Variants in ARHGAP6 observed in about 807,000 individuals in gnomAD.
The protein encoded by ARHGAP6 is rho GTPase-activating protein 6.
ARHGAP6 carries 16 observed loss-of-function variants against 55.7 expected under a neutral mutation model. The ratio of observed to expected loss-of-function variants is 0.29; its 90% CI spans 0.19 to 0.44. ARHGAP6 has a LOEUF of 0.44. Ranked by LOEUF, ARHGAP6 falls within the 20% of genes least tolerant of loss-of-function variation. The pLI, the probability that ARHGAP6 is intolerant of heterozygous loss-of-function variation, is 1.00. For missense variants in ARHGAP6, 698 were observed against 808.9 expected, an observed-to-expected ratio of 0.86 and a Z score of 1.66; for synonymous variants, 382 against 360.9, an observed-to-expected ratio of 1.06 and a Z score of -0.66.
intron 1 of ARHGAP6, among the ~76,000 whole-genome samples, chrX:11,314,634 T>C (rs748144909): frequency 8.9e-6 from 1 of 112,082 alleles, no homozygotes; most frequent in South Asian, 3.7e-4. Flanking sequence ...CATTCTTTTT[T>C]ATGGCTGCAT....
chrX:11,509,868 A>G (rs1170834204), intron 1 of ARHGAP6, among the ~76,000 whole-genome samples: 1 of 111,945 alleles, frequency 8.9e-6, no homozygotes, highest in Non-Finnish European at 1.9e-5. Flanking sequence ...TGGGTATAGC[A>G]ATTGTCAGGA....
chrX:11,475,041 A>C (rs1206321785), intron 1 of ARHGAP6, among the ~76,000 whole-genome samples: 2 of 111,241 alleles, frequency 1.8e-5, no homozygotes, highest in East Asian at 5.6e-4. Flanking sequence ...CATAATCTAA[A>C]TAAATCTCTT....
chrX:11,366,691 G>C (rs2049082615), intron 1 of ARHGAP6, among the ~76,000 whole-genome samples: 1 of 111,940 alleles, frequency 8.9e-6, no homozygotes, highest in Non-Finnish European at 1.9e-5. Flanking sequence ...CTTTGCACAG[G>C]GATGAGTTTC....
At position 11,370,959 on chromosome X, in the gene ARHGAP6, G is replaced by A. The variant is rs181357152; in HGVS notation, c.589-116252C>T. On this transcript the variant is annotated intron_variant, in intron 1 of 12. Transcript: ENST00000337414. ...CAAAGATTGGCCCAACTATCACAAT[G>A]ACTGGAGGGCCTACTTATAGAAATA... 4.5e-5 allele frequency among the ~76,000 whole-genome samples: 5 copies of A among 111,931 alleles called. No individual in the cohort carries two copies. In the East Asian group the frequency reaches 1.1e-3, roughly 25 times the overall value.
At chrX:11,143,406 C>G (rs1053596257) in intron 11 of ARHGAP6, 52 of 243,715 alleles carry the variant, frequency 2.1e-4, no homozygotes, top group Non-Finnish European at 2.5e-4. Context: ...TGTTATCATT[C>G]TGAGTTTTCA....
At chrX:11,398,702 A>G (rs2049511234) in intron 1 of ARHGAP6, among the ~76,000 whole-genome samples, 1 of 111,949 alleles carries the variant, frequency 8.9e-6, no homozygotes, top group South Asian at 3.7e-4. Flanking sequence ...TATATATAGT[A>G]TAACAATGCA....
chrX:11,465,637 A>G (rs2050285217), intron 1 of ARHGAP6, among the ~76,000 whole-genome samples: 1 of 112,372 alleles, frequency 8.9e-6, no homozygotes, highest in Non-Finnish European at 1.9e-5. Context: ...CATAAAATAT[A>G]TGATTGCAAG....
chrX:11,313,818 C>T (rs927569839), intron 1 of ARHGAP6, among the ~76,000 whole-genome samples: 1 of 112,096 alleles, frequency 8.9e-6, no homozygotes, highest in African/African-American at 3.2e-5. Flanking sequence ...GACAAGTACG[C>T]TTTGATGATA....
intron 1 of ARHGAP6, among the ~76,000 whole-genome samples, chrX:11,350,963 T>C (rs2147670469): frequency 9.1e-6 from 1 of 110,199 alleles, no homozygotes; most frequent in East Asian, 2.8e-4. Flanking sequence ...GAAAAAGACT[T>C]CCCTTTAGTA....
chrX:11,589,414 CT>C (rs1165803490), intron 1 of ARHGAP6, among the ~76,000 whole-genome samples: 3 of 102,386 alleles, frequency 2.9e-5, no homozygotes, highest in African/African-American at 1.0e-4. Context: ...CAAATATAAC[CT>C]TTTTTTTGCA....
At chrX:11,636,250 A>C (rs778612706) in intron 1 of ARHGAP6, among the ~76,000 whole-genome samples, 1 of 111,983 alleles carries the variant, frequency 8.9e-6, no homozygotes, top group Non-Finnish European at 1.9e-5. Context: ...GAGGCCATTT[A>C]TGTTCACTAA....
In ARHGAP6 at chrX:11,274,532, A is replaced by G. The variant is rs762245692; in HGVS notation, c.589-19825T>C. Among the ~76,000 whole-genome samples, 5 of 112,269 alleles carry G rather than the reference A, an allele frequency of 4.5e-5. No individual in the cohort carries two copies. The South Asian group carries it at 1.5e-3, about 34-fold the overall frequency. ...ACCCACTGAAAAGAAATCACCAGAT[A>G]TATGACATAGGGGATGACAATGTTC... is the stretch of plus-strand genomic sequence containing the variant. On this transcript the variant is annotated intron_variant, in intron 1 of 12. Transcript: ENST00000337414.
In ARHGAP6 at chrX:11,186,388, T is replaced by C; in HGVS notation, c.1121A>G (p.Gln374Arg). 1 of 1,211,218 alleles carries C rather than the reference T, an allele frequency of 8.3e-7. No individual in the cohort carries two copies. The highest frequency in any genetic ancestry group is 1.1e-6 in the Non-Finnish European group (1 of 895,197). ...TTGTAAAGCTTCTAGTAGTCGAGAC[T>C]GATTGTCATCAAGATCGGTGATAGA... ...VDSITDLDDN[Q>R]SRLLEALQLS... is the part of the protein sequence containing the mutation. The change falls in exon 5 of 13, where the codon CAG becomes CGG. Residue 374 changes from glutamine to arginine, a missense_variant. Physicochemically the swap from Gln to Arg is conservative, Grantham distance 43 (BLOSUM62 1). Transcript: ENST00000337414.
In ARHGAP6 at chrX:11,185,991, G is replaced by A. The variant is rs756641561; in HGVS notation, c.1273+245C>T. Among the ~76,000 whole-genome samples the A allele has an allele frequency of 1.3e-4, 14 of 111,345 alleles. No individual in the cohort carries two copies. The East Asian group carries it at 4.0e-3, about 31-fold the overall frequency. On this transcript the variant is annotated intron_variant, in intron 5 of 12. Transcript: ENST00000337414. ...ATTCCCTAAACTGCTTGGCCTCCAAGGTAACTTCTGAGGACTACTGGGAGC... is the reference window on the plus strand; with the variant it reads ...ATTCCCTAAACTGCTTGGCCTCCAAAGTAACTTCTGAGGACTACTGGGAGC...
At chrX:11,467,999 T>C (rs1445583294) in intron 1 of ARHGAP6, among the ~76,000 whole-genome samples, 1 of 96,172 alleles carries the variant, frequency 1.0e-5, no homozygotes, top group Non-Finnish European at 2.1e-5. Context: ...AATGAATAAA[T>C]AAATAAATAA....
At chrX:11,572,462 G>C (rs2051535307) in intron 1 of ARHGAP6, among the ~76,000 whole-genome samples, 1 of 110,680 alleles carries the variant, frequency 9.0e-6, no homozygotes, top group South Asian at 3.9e-4. Flanking sequence ...TCTTGCGATA[G>C]TTTAATGAGA....
intron 1 of ARHGAP6, among the ~76,000 whole-genome samples, chrX:11,495,935 G>A (rs1371045409): frequency 8.9e-6 from 1 of 112,375 alleles, no homozygotes; most frequent in Non-Finnish European, 1.9e-5. Context: ...GGAGGAGGGT[G>A]GCCTCCAGCC....
chrX:11,522,985 A>G (rs755385292), intron 1 of ARHGAP6, among the ~76,000 whole-genome samples: 3 of 111,828 alleles, frequency 2.7e-5, no homozygotes, highest in East Asian at 2.8e-4. Flanking sequence ...AAAATCCTCA[A>G]TAAAATACTG....
intron 1 of ARHGAP6, among the ~76,000 whole-genome samples, chrX:11,557,680 G>A (rs2051335608): frequency 8.9e-6 from 1 of 112,117 alleles, no homozygotes; most frequent in South Asian, 3.7e-4. Flanking sequence ...AACCCTGTAA[G>A]CACAAAGAAC....
Sources: gnomAD v4.1 joint callset for allele counts (sites outside exome capture counted in the v4.1 genomes callset) on GRCh38, gnomAD v4.1.1 for gene constraint, MANE v1.5 for transcripts, NCBI Gene and HGNC (gene_info 2026-07-23, HGNC 2026-07-21) for gene names.